SEMA6C: variants seen among roughly 807,000 people sequenced by gnomAD.
The protein encoded by SEMA6C is semaphorin-6C.
A neutral mutation model predicts 72.9 loss-of-function variants in SEMA6C; 37 were observed. The observed-to-expected ratio is 0.51, with a 90% CI of 0.39 to 0.67. SEMA6C has a LOEUF of 0.67. Among genes scored for constraint, SEMA6C ranks in the 30% least tolerant of loss-of-function variants. SEMA6C has a pLI of 0.00. For missense variants in SEMA6C, 1,189 were observed against 1,263.6 expected, an observed-to-expected ratio of 0.94 and a Z score of 0.89; for synonymous variants, 578 against 554.1, an observed-to-expected ratio of 1.04 and a Z score of -0.61.
At chr1:151,135,794 C>T (rs1233069049) in intron 13 of SEMA6C, 30 bp from the exon 14 acceptor site, 2 of 1,609,782 alleles carry the variant, frequency 1.2e-6, no homozygotes, top group African/African-American at 2.7e-5. Context: ...GTCAGGGAAC[C>T]TGTCTAGTGG....
At chr1:151,139,551 A>G (rs1430584356) in intron 5 of SEMA6C, 70 bp from the exon 6 acceptor site, 2 of 1,602,580 alleles carry the variant, frequency 1.2e-6, no homozygotes, top group Non-Finnish European at 1.7e-6. Flanking sequence ...GGCTCCTTTT[A>G]GATTCTTCTT....
rs202098238 is a variant in SEMA6C at position 151,140,015 on chromosome 1, C to G, written c.194G>C (p.Arg65Thr). Residue 65 changes from arginine (R) to threonine (T), a missense_variant, in exon 4 of 19, where the codon AGA becomes ACA. Arg to Thr is a moderately conservative substitution (Grantham distance 71, BLOSUM62 -1). This residue lies in a region of SEMA6C where 468 missense variants were observed against 577.4 expected (regional missense o/e 0.81). Transcript: ENST00000368914. ...VAAELGLDFQ[R>T]FLTLNRTLLV... is the part of the protein sequence containing the mutation. ...CAAGGTCCGGTTCAAGGTCAGGAAT[C>G]TCTGAAAGTCCAGCCCAAGTTCTGC... 6.0e-5 allele frequency: 97 copies of G among 1,614,204 alleles called. No individual in the cohort carries two copies. In the South Asian group the frequency reaches 9.8e-4, roughly 16 times the overall value.
At position 151,145,942 on chromosome 1, in the gene SEMA6C, AG is replaced by A. The variant is rs1310570575; in HGVS notation, c.-105+490del. On this transcript the variant is annotated intron_variant, in intron 1 of 18. Transcript: ENST00000368914. The surrounding 1 kb of genome is among the most constrained non-coding windows in gnomAD (Gnocchi z 4.4). ...GCCCCATTCGCCGCCTCTTTGCACG[AG>A]CCAACCCTTCAGAGGGTGCTCAGAT... 9.2e-5 allele frequency: 14 copies of A among 152,232 alleles called. No homozygotes were observed. The highest frequency in any genetic ancestry group is 3.4e-4 in the African/African-American group (14 of 41,446). 9.4% of individuals were successfully genotyped at this position (152,232 alleles called of 1,614,324 possible).
chr1:151,141,414 T>C (rs1438624103), intron 3 of SEMA6C, among the ~76,000 whole-genome samples: 2 of 152,134 alleles, frequency 1.3e-5, no homozygotes, highest in Non-Finnish European at 2.9e-5. Flanking sequence ...AAGACTTTTG[T>C]TTTTTGTTTT....
rs200026035 is a variant in SEMA6C, at chr1:151,133,140, G to A, written c.2137C>T (p.Arg713Cys). The change falls in exon 19 of 19, where the codon CGC (arginine) becomes TGC (cysteine). Residue 713 changes from arginine to cysteine, a missense_variant. Transcript: ENST00000368914. The surrounding 1 kb of genome is among the most constrained non-coding windows in gnomAD (Gnocchi z 5.9). Reference protein sequence around the residue: ...STPELPVKHLRAAGDPWEWNQ... With the variant: ...STPELPVKHLCAAGDPWEWNQ... The stretch of plus-strand genomic sequence containing the variant: ...CACTCCCAGGGGTCCCCGGCGGCGC[G>A]GAGGTGCTTGACCGGCAGCTCCGGC... 5.7e-4 allele frequency: 892 copies of A among 1,560,024 alleles called. 1 individual carries two copies. Among genetic ancestry groups the A allele is most frequent in the Admixed American group, 1.0e-3 (53 of 53,100 alleles).
chr1:151,137,937 C>G, intron 9 of SEMA6C, 49 bp downstream of exon 9: 1 of 1,601,256 alleles, frequency 6.2e-7, no homozygotes, highest in Admixed American at 1.7e-5. Flanking sequence ...AGTCCTCCCT[C>G]TGTGCCTCCT....
chr1:151,140,854 C>T (rs957731553), intron 3 of SEMA6C, among the ~76,000 whole-genome samples: 3 of 152,072 alleles, frequency 2.0e-5, no homozygotes, highest in African/African-American at 7.2e-5. Context: ...CAAAATTAGC[C>T]AGGCGTGGTG....
In SEMA6C at chr1:151,132,658, G is replaced by A. The variant is rs1681640566; in HGVS notation, c.2619C>T (p.Ser873=). Residue 873 remains serine (S), a synonymous_variant, in exon 19 of 19, where the codon TCC becomes TCT. Transcript: ENST00000368914. Reference sequence around the variant, plus strand: ...GCTTCCCGGGACCCCCGGAGTACCTGGAGGGACCTCCCGAGGGGACTCGAG... The same window carrying A: ...GCTTCCCGGGACCCCCGGAGTACCTAGAGGGACCTCCCGAGGGGACTCGAG... ...LLTRVPSGGP[S]RYSGGPGKHL... 6.5e-7 allele frequency: 1 copy of A among 1,549,840 alleles called. No individual in the cohort carries two copies. Among genetic ancestry groups the A allele is most frequent in the Non-Finnish European group, 8.7e-7 (1 of 1,146,610 alleles).
rs1426533188 is a variant in SEMA6C, at chr1:151,145,600, G to GGT, written c.-105+831_-105+832dup. ...GGATCCGGGGCTCCGAGGAGGGGCC[G>GGT]GTAGCAGAGTCTGGGCCGGGACCGG... On this transcript the variant is annotated intron_variant, in intron 1 of 18. Coordinates refer to ENST00000368914, the MANE Select transcript of SEMA6C (RefSeq NM_030913.6). This position sits in a 1 kb window ranked among gnomAD's most constrained non-coding sequence, Gnocchi z 4.4. 6.5e-6 allele frequency: 1 copy of GGT among 153,688 alleles called. No individual in the cohort carries two copies. Among genetic ancestry groups the GGT allele is most frequent in the Non-Finnish European group, 1.4e-5 (1 of 69,048 alleles). 9.5% of individuals were successfully genotyped at this position (153,688 alleles called of 1,614,324 possible). A position where few individuals can be genotyped will look rare whatever the true frequency, so the allele number is the denominator to read the frequency against.
At position 151,140,096 on chromosome 1, in the gene SEMA6C, G is replaced by A; in HGVS notation, c.119-6C>T. On this transcript the variant is annotated splice_region_variant and splice_polypyrimidine_tract_variant and intron_variant, in intron 3 of 18. Coordinates refer to ENST00000368914, the MANE Select transcript of SEMA6C (RefSeq NM_030913.6). ...CCAGGATAATGGGGAAGTACCTTGA[G>A]GACACAGAGAGATAGGATTCTGAGG... 6.2e-7 allele frequency: 1 copy of A among 1,610,906 alleles called. No individual in the cohort carries two copies. The highest frequency in any genetic ancestry group is 8.5e-7 in the Non-Finnish European group (1 of 1,177,704).
In SEMA6C at chr1:151,133,015, C is replaced by T. The variant is rs1281301026; in HGVS notation, c.2262G>A (p.Pro754=). The change falls in exon 19 of 19, where the codon CCG becomes CCA. Residue 754 remains proline (P), a synonymous_variant. Transcript: ENST00000368914. This position sits in a 1 kb window ranked among gnomAD's most constrained non-coding sequence, Gnocchi z 5.9. ...PAPRVLVRPP[P]PGCPGQAVEV... is the part of the protein sequence containing the mutation. ...CCACGGCCTGCCCGGGACAGCCGGG[C>T]GGCGGTGGCCTCACCAGCACGCGGG... 2 of 1,399,180 alleles carry T rather than the reference C, an allele frequency of 1.4e-6. No individual in the cohort carries two copies. Among genetic ancestry groups the T allele is most frequent in the Admixed American group, 2.8e-5 (1 of 35,316 alleles). The allele number at this position is 1,399,180 out of a possible 1,614,324, so 86.7% of individuals were successfully genotyped here.
intron 13 of SEMA6C, 40 bp from the exon 14 acceptor site, chr1:151,135,804 G>A: frequency 1.9e-6 from 3 of 1,604,748 alleles, no homozygotes; most frequent in Non-Finnish European, 2.6e-6. Context: ...CTGTCTAGTG[G>A]AAACCTGAGC....
At chr1:151,143,961 A>G (rs1020390441) in intron 2 of SEMA6C, among the ~76,000 whole-genome samples, 4 of 151,916 alleles carry the variant, frequency 2.6e-5, no homozygotes, top group African/African-American at 9.7e-5. Context: ...CCAGGACCCA[A>G]GTGTCCCCCC....
intron 2 of SEMA6C, among the ~76,000 whole-genome samples, chr1:151,144,102 G>A (rs587663482): frequency 1.3e-5 from 2 of 152,094 alleles, no homozygotes; most frequent in Non-Finnish European, 2.9e-5. Flanking sequence ...GCTAGCTAAC[G>A]ACCCTCTGGT....
chr1:151,135,960 G>A (rs765130634), intron 13 of SEMA6C, 51 bp downstream of exon 13: 3 of 1,609,806 alleles, frequency 1.9e-6, no homozygotes, highest in South Asian at 2.2e-5. Context: ...AAAGAAAGAG[G>A]AGGGTGGCTG....
In SEMA6C at chr1:151,134,388, C is replaced by T; in HGVS notation, c.1759+13G>A. The stretch of plus-strand genomic sequence containing the variant: ...TGAGCAAGGGAAGGTGAGGTTGGGA[C>T]AAGAGGACTCACCATAAGCAGAATC... On this transcript the variant is annotated intron_variant, in intron 18 of 18. Transcript: ENST00000368914. The T allele has an allele frequency of 6.3e-7, 1 of 1,578,154 alleles. No individual in the cohort carries two copies.
rs747276315 is a variant in SEMA6C at position 151,138,361 on chromosome 1, G to A, written c.502C>T (p.Arg168Ter). The A allele has an allele frequency of 3.7e-6, 6 of 1,614,024 alleles. No individual in the cohort carries two copies. The highest frequency in any genetic ancestry group is 1.3e-5 in the African/African-American group (1 of 75,056). Residue 168 changes from arginine to a stop codon, truncating the protein, a stop_gained, in exon 8 of 19, where the codon CGA (arginine) becomes TGA (stop). Coordinates refer to ENST00000368914, the MANE Select transcript of SEMA6C (RefSeq NM_030913.6). LOFTEE classifies it high-confidence loss of function. ...QEGEELSGQA[R>*]CPFDATQSNV... ...GACTGGGTGGCATCAAAGGGGCATCGAGCCTGCCCACTCAGTTCCTCACCC... is the reference window on the plus strand; with the variant it reads ...GACTGGGTGGCATCAAAGGGGCATCAAGCCTGCCCACTCAGTTCCTCACCC...
intron 9 of SEMA6C, 42 bp from the exon 10 acceptor site, chr1:151,137,841 G>C (rs774699094): frequency 1.9e-6 from 3 of 1,589,046 alleles, no homozygotes; most frequent in Non-Finnish European, 2.6e-6. Context: ...AAGAGTATCT[G>C]TACCTGCTCA....
Position 151,137,975 on chromosome 1 carries a change from C to A in SEMA6C, c.667+11G>T. ...CCAATAACAGTCTCCTTTCCCCAGG[C>A]CCGCCCTGACCTCGGAGCCACTTGG... On this transcript the variant is annotated intron_variant, in intron 9 of 18. Coordinates refer to ENST00000368914, the MANE Select transcript of SEMA6C (RefSeq NM_030913.6). The A allele has an allele frequency of 6.2e-7, 1 of 1,612,444 alleles. No individual in the cohort carries two copies.
Sources: allele counts gnomAD v4.1 joint callset (sites outside exome capture counted in the v4.1 genomes callset), GRCh38; gene constraint gnomAD v4.1.1; regional missense constraint gnomAD v4.1.1; non-coding constraint Gnocchi (gnomAD v3.1); transcripts MANE v1.5; gene names NCBI Gene and HGNC (gene_info 2026-07-23, HGNC 2026-07-21).